The following PES1 variants were observed in gnomAD, a reference collection of about 807,000 sequenced individuals.
PES1 encodes pescadillo ribosomal biogenesis factor 1, also known as pescadillo homolog.
A neutral mutation model predicts 77.1 loss-of-function variants in PES1; 31 were observed. That is an observed-to-expected ratio of 0.40 (90% CI 0.30 to 0.54). The LOEUF (loss-of-function observed/expected upper bound fraction) is 0.54. PES1 is among the 20% of genes least tolerant of loss of function. PES1 has a pLI of 0.45. For missense variants in PES1, 658 were observed against 771.7 expected (o/e 0.85, Z 1.75); for synonymous variants, 282 against 303.0 (o/e 0.93, Z 0.72).
chr22:30,580,457 T>C, intron 10 of PES1, 114 bp downstream of exon 10: 7 of 1,404,654 alleles, frequency 5.0e-6, no homozygotes, highest in Non-Finnish European at 6.9e-6. Flanking sequence ...CACACACTGT[T>C]TCATAAGAAG....
upstream of PES1, among the ~76,000 whole-genome samples, chr22:30,596,416 C>G (rs897539553): frequency 1.3e-5 from 2 of 151,440 alleles, no homozygotes; most frequent in Non-Finnish European, 2.9e-5. Context: ...AACGTCTGGG[C>G]TCAAGCAGTC....
chr22:30,601,272 T>A (rs1291568056), intron 2 of PES1, among the ~76,000 whole-genome samples: 4 of 152,088 alleles, frequency 2.6e-5, no homozygotes, highest in Non-Finnish European at 5.9e-5. Context: ...ATCTGACACA[T>A]CCTCTTTATC....
upstream of PES1, among the ~76,000 whole-genome samples, chr22:30,596,458 T>C (rs578015313): frequency 9.7e-4 from 147 of 151,344 alleles, 1 homozygote; most frequent in African/African-American, 3.4e-3. Flanking sequence ...GTGCTGGGAT[T>C]ACAGGCATGA....
chr22:30,603,980 G>C (rs2087398942), intron 2 of PES1: 1 of 152,206 alleles, frequency 6.6e-6, no homozygotes, highest in African/African-American at 2.4e-5. Context: ...GGTGGAGTTA[G>C]GTGAAGTGTA....
At chr22:30,581,251 A>C in intron 8 of PES1, 83 bp downstream of exon 8, 1 of 1,482,280 alleles carries the variant, frequency 6.7e-7, no homozygotes, top group Non-Finnish European at 9.3e-7. Context: ...AACCACCCCC[A>C]CTCTGAACCA....
chr22:30,578,765 G>T, intron 14 of PES1, 72 bp downstream of exon 14: 1 of 1,517,214 alleles, frequency 6.6e-7, no homozygotes, highest in Non-Finnish European at 9.1e-7. Context: ...AGGGCCCCAA[G>T]CCACATAAGT....
chr22:30,591,310 T>A (rs1381361471), intron 1 of PES1, among the ~76,000 whole-genome samples: 1 of 152,156 alleles, frequency 6.6e-6, no homozygotes, highest in Non-Finnish European at 1.5e-5. Flanking sequence ...CAGCAAGCCT[T>A]CCCTGCCTAC....
intron 2 of PES1, chr22:30,605,376 G>T (rs550237375): frequency 2.6e-6 from 2 of 777,794 alleles, no homozygotes; most frequent in Non-Finnish European, 1.6e-6. Flanking sequence ...AGGTAGGCAG[G>T]GGGGTGTCTC....
chr22:30,582,245 T>TCA (rs1377903361), intron 6 of PES1, among the ~76,000 whole-genome samples: 1 of 152,206 alleles, frequency 6.6e-6, no homozygotes, highest in Non-Finnish European at 1.5e-5. Context: ...GGCCGCCCAC[T>TCA]GAGTCCCACC....
At chr22:30,598,885 A>ATT (rs71200084) in intron 2 of PES1, among the ~76,000 whole-genome samples, 5,416 of 50,118 alleles carry the variant, frequency 0.11, 1,304 homozygotes, top group Admixed American at 0.12. Flanking sequence ...CTTAAGTAAA[A>ATT]TTTTTTTTTT....
intron 4 of PES1, among the ~76,000 whole-genome samples, chr22:30,586,550 C>T (rs2087093926): frequency 6.6e-6 from 1 of 152,200 alleles, no homozygotes; most frequent in South Asian, 2.1e-4. Context: ...TATTTAGCAG[C>T]ATCACTGGCC....
chr22:30,599,052 C>G (rs1043451617), intron 2 of PES1, among the ~76,000 whole-genome samples: 2 of 151,528 alleles, frequency 1.3e-5, no homozygotes, highest in African/African-American at 4.9e-5. Context: ...CATGTGCCAC[C>G]ATGACCAGCT....
chr22:30,584,372 G>A lies in PES1; in HGVS notation c.623C>T (p.Ser208Phe). 6.2e-7 allele frequency: 1 copy of A among 1,609,676 alleles called. No individual in the cohort carries two copies. The highest frequency in any genetic ancestry group is 8.5e-7 in the Non-Finnish European group (1 of 1,177,678). The change falls in exon 6 of 15, where the codon TCC becomes TTC. Residue 208 changes from serine (S) to phenylalanine (F), a missense_variant. Physicochemically the swap from Ser to Phe is radical, Grantham distance 155. Coordinates refer to ENST00000354694, the MANE Select transcript of PES1 (RefSeq NM_014303.4). The part of the protein sequence containing the change: ...PIVWITPYAF[S>F]HDHPTDVDYR... ...CCCGACAGGCACACTCACGTCATGG[G>A]AGAAGGCATAGGGAGTGATCCACAC...
chr22:30,592,758 C>CT (rs2087202500), upstream of PES1, among the ~76,000 whole-genome samples: 1 of 152,190 alleles, frequency 6.6e-6, no homozygotes, highest in Non-Finnish European at 1.5e-5. Flanking sequence ...GATCTTGCCA[C>CT]TGCACTCCAG....
chr22:30,597,642 T>TA (rs1007290644), intron 2 of PES1, among the ~76,000 whole-genome samples: 31 of 151,874 alleles, frequency 2.0e-4, no homozygotes, highest in African/African-American at 7.0e-4. Context: ...TAGCACTCTG[T>TA]ATCTAGCTAA....
chr22:30,584,280 A>G (rs2087034077), intron 6 of PES1, 85 bp downstream of exon 6: 28 of 1,108,804 alleles, frequency 2.5e-5, no homozygotes, highest in Non-Finnish European at 3.6e-5. Flanking sequence ...GCTAAACTCC[A>G]TGGACAGCAA....
intron 12 of PES1, 48 bp downstream of exon 12, chr22:30,579,703 C>T: frequency 6.4e-7 from 1 of 1,565,562 alleles, no homozygotes; most frequent in Non-Finnish European, 8.7e-7. Flanking sequence ...AGGGAAACAG[C>T]CAGCGTGGGC....
intron 2 of PES1, among the ~76,000 whole-genome samples, chr22:30,588,559 C>A (rs1347571791): frequency 1.3e-5 from 2 of 152,092 alleles, no homozygotes; most frequent in Non-Finnish European, 2.9e-5. Flanking sequence ...AGGAGGATCA[C>A]CTGAGGTCAT....
intron 2 of PES1, among the ~76,000 whole-genome samples, chr22:30,597,721 C>G (rs1161833168): frequency 1.3e-5 from 2 of 151,814 alleles, no homozygotes; most frequent in African/African-American, 2.4e-5. Context: ...AGCACCCTGT[C>G]AAAACGGACC....
Sources: gnomAD v4.1 joint callset for allele counts (sites outside exome capture counted in the v4.1 genomes callset) on GRCh38, gnomAD v4.1.1 for gene constraint, MANE v1.5 for transcripts, NCBI Gene and HGNC (gene_info 2026-07-23, HGNC 2026-07-21) for gene names.